Variants in RTL1 observed in about 807,000 individuals in gnomAD.
RTL1 encodes retrotransposon Gag like 1.
For missense variants in RTL1, 1,681 were observed against 1,767.5 expected (o/e 0.95, Z 0.88); for synonymous variants, 727 against 748.4 (o/e 0.97, Z 0.47).
At chr14:100,896,861 G>A (rs2038863905) in intron 2 of RTL1, among the ~76,000 whole-genome samples, 1 of 152,194 alleles carries the variant, frequency 6.6e-6, no homozygotes, top group Admixed American at 6.5e-5. Flanking sequence ...CCGCCGGGCC[G>A]CAGCTCTCTA....
chr14:100,897,782 G>GGGGGGGGA (rs2038887536), intron 2 of RTL1: 4 of 168,950 alleles, frequency 2.4e-5, no homozygotes, highest in African/African-American at 9.3e-5. Context: ...GGGGGGCGGG[G>GGGGGGGGA]GGGGGCAGTG....
In RTL1 at chr14:100,883,965, G is replaced by A; in HGVS notation, c.824C>T (p.Ser275Phe). 2 of 1,551,642 alleles carry A rather than the reference G, an allele frequency of 1.3e-6. No individual in the cohort carries two copies. The highest frequency in any genetic ancestry group is 1.7e-6 in the Non-Finnish European group (2 of 1,146,990). The change falls in exon 4 of 4, where the codon TCC (serine) becomes TTC (phenylalanine). Residue 275 changes from serine (S) to phenylalanine (F), a missense_variant. Coordinates refer to ENST00000649591, the MANE Select transcript of RTL1 (RefSeq NM_001134888.3). The surrounding 1 kb of genome is among the most constrained non-coding windows in gnomAD (Gnocchi z 5.9). ...TGCCTGGCGGTACTCAAACACTTCG[G>A]ACATGGCCTCCAGGAAGGCTGGGAA... ...GDFPAFLEAM[S>F]EVFEYRQALR...
At position 100,883,473 on chromosome 14, in the gene RTL1, T is replaced by C. The variant is rs1566754027; in HGVS notation, c.1316A>G (p.Asp439Gly). The part of the protein sequence containing the change: ...VDSGADGNFM[D>G]EKFAQEHYVE... ...GTAGTGCTCTTGGGCGAACTTCTCA[T>C]CCATGAAGTTGCCGTCAGCTCCCGA... is the stretch of plus-strand genomic sequence containing the variant. Residue 439 changes from aspartate (D) to glycine (G), a missense_variant, in exon 4 of 4, where the codon GAT (aspartate) becomes GGT (glycine). By Grantham distance (94) the Asp-to-Gly change is moderately conservative. Coordinates refer to ENST00000649591, the MANE Select transcript of RTL1 (RefSeq NM_001134888.3). This position sits in a 1 kb window ranked among gnomAD's most constrained non-coding sequence, Gnocchi z 5.9. The C allele has an allele frequency of 1.9e-6, 3 of 1,551,292 alleles. No individual in the cohort carries two copies. The highest frequency in any genetic ancestry group is 1.7e-6 in the Non-Finnish European group (2 of 1,146,942).
At position 100,884,642 on chromosome 14, in the gene RTL1, G is replaced by C. The variant is rs781035556; in HGVS notation, c.147C>G (p.Ser49Arg). Residue 49 changes from serine (S) to arginine (R), a missense_variant, in exon 4 of 4, where the codon AGC (serine) becomes AGG (arginine). Physicochemically the swap from Ser to Arg is moderately radical, Grantham distance 110. Transcript: ENST00000649591. ...GCTCCTTCTTTTCCTGGGCTGGGCCGCTGGCTGGCCCTGCCTCTCCCCGCA... is the reference window on the plus strand; with the variant it reads ...GCTCCTTCTTTTCCTGGGCTGGGCCCCTGGCTGGCCCTGCCTCTCCCCGCA... ...SGVRGEAGPA[S>R]GPAQEKKEPP... 1.2e-6 allele frequency: 2 copies of C among 1,613,282 alleles called. No homozygotes were observed. Among genetic ancestry groups the C allele is most frequent in the Non-Finnish European group, 8.5e-7 (1 of 1,179,842 alleles).
chr14:100,892,919 A>G (rs1258740355), intron 3 of RTL1, among the ~76,000 whole-genome samples: 1 of 152,078 alleles, frequency 6.6e-6, no homozygotes, highest in Non-Finnish European at 1.5e-5. Context: ...ACAGAGTTAA[A>G]CTGGGATTCG....
intron 3 of RTL1, among the ~76,000 whole-genome samples, chr14:100,891,501 G>C (rs1425571305): frequency 2.6e-5 from 4 of 152,202 alleles, no homozygotes; most frequent in African/African-American, 7.2e-5. Context: ...CCCTCACCTT[G>C]CTAAGCCACT....
chr14:100,895,576 G>C (rs2038844495), intron 2 of RTL1, among the ~76,000 whole-genome samples: 1 of 152,134 alleles, frequency 6.6e-6, no homozygotes, highest in African/African-American at 2.4e-5. Flanking sequence ...GAAGGTGTGG[G>C]GAGCAGGGTC....
intron 3 of RTL1, among the ~76,000 whole-genome samples, chr14:100,887,582 T>C (rs2038711069): frequency 6.6e-6 from 1 of 152,144 alleles, no homozygotes; most frequent in African/African-American, 2.4e-5. Flanking sequence ...GGTGAAATCC[T>C]GTTTCTACTA....
Position 100,881,148 on chromosome 14 carries a change from A to T in RTL1, c.3641T>A (p.Leu1214Gln). Residue 1214 changes from leucine to glutamine, a missense_variant, in exon 4 of 4, where the codon CTG becomes CAG. Coordinates refer to ENST00000649591, the MANE Select transcript of RTL1 (RefSeq NM_001134888.3). The surrounding 1 kb of genome is among the most constrained non-coding windows in gnomAD (Gnocchi z 6.6). ...CAGCTCCAGGTAGCGGTTCTGACGCAGGGCAGGGAGGTGGCCCTCCTGGGG... is the reference window on the plus strand; with the variant it reads ...CAGCTCCAGGTAGCGGTTCTGACGCTGGGCAGGGAGGTGGCCCTCCTGGGG... ...VTPQEGHLPALRQNRYLELHV... is the reference protein window; with the variant it reads ...VTPQEGHLPAQRQNRYLELHV... 2 of 1,548,662 alleles carry T rather than the reference A, an allele frequency of 1.3e-6. No homozygotes were observed.
At chr14:100,891,613 C>T (rs1256567485) in intron 3 of RTL1, among the ~76,000 whole-genome samples, 1 of 152,220 alleles carries the variant, frequency 6.6e-6, no homozygotes, top group East Asian at 1.9e-4. Flanking sequence ...TATCACTCTG[C>T]CCAGAATAAC....
rs756553297 is a variant in RTL1 at position 100,882,097 on chromosome 14, C to T, written c.2692G>A (p.Gly898Ser). 3.2e-6 allele frequency: 5 copies of T among 1,574,320 alleles called. No individual in the cohort carries two copies. The highest frequency in any genetic ancestry group is 1.4e-5 in the African/African-American group (1 of 73,918). Residue 898 changes from glycine (G) to serine (S), a missense_variant, in exon 4 of 4, where the codon GGC becomes AGC. Physicochemically the swap from Gly to Ser is moderately conservative, Grantham distance 56. Coordinates refer to ENST00000649591, the MANE Select transcript of RTL1 (RefSeq NM_001134888.3). Reference sequence around the variant, plus strand: ...TAGAAAGCGCAGCAGGCTCTCTTGCCGGTTTGGTCGTCGATTTGGATCAGG... The same window carrying T: ...TAGAAAGCGCAGCAGGCTCTCTTGCTGGTTTGGTCGTCGATTTGGATCAGG... Reference protein sequence around the residue: ...ASLIQIDDQTGKRACCAFYSR... With the variant: ...ASLIQIDDQTSKRACCAFYSR...
chr14:100,887,655 C>A (rs1248813509), intron 3 of RTL1, among the ~76,000 whole-genome samples: 1 of 144,742 alleles, frequency 6.9e-6, no homozygotes, highest in East Asian at 2.1e-4. Flanking sequence ...TTCTCCTAGG[C>A]TGAGGCGGGA....
chr14:100,903,129 C>T (rs574113938), intron 2 of RTL1, among the ~76,000 whole-genome samples, 162 bp downstream of exon 2: 1 of 152,282 alleles, frequency 6.6e-6, no homozygotes, highest in East Asian at 1.9e-4. Flanking sequence ...AGGGGTAAAG[C>T]ATGAAGGCAT....
chr14:100,898,543 G>A (rs372941028), intron 2 of RTL1, among the ~76,000 whole-genome samples: 1 of 152,182 alleles, frequency 6.6e-6, no homozygotes, highest in Admixed American at 6.5e-5. Flanking sequence ...CTTCCGGGAC[G>A]GGGTCCAAAA....
rs1434423309 is a variant in RTL1, at chr14:100,880,754, T to C, written c.4035A>G (p.Leu1345=). ...CTTCGTCCTCATCAGGCAGCTCTTC[T>C]AGCCTTGCCTGCTCCCTGGGCTGGC... ...WESQPREQAR[L]EELPDEDEDA... is the part of the protein sequence containing the mutation. Residue 1345 remains leucine, a synonymous_variant, in exon 4 of 4, where the codon CTA becomes CTG. Transcript: ENST00000649591. 6.4e-7 allele frequency: 1 copy of C among 1,550,852 alleles called. No individual in the cohort carries two copies.
Position 100,883,863 on chromosome 14 carries a change from T to C in RTL1, c.926A>G (p.Gln309Arg). The C allele has an allele frequency of 6.4e-7, 1 of 1,551,638 alleles. No homozygotes were observed. The highest frequency in any genetic ancestry group is 2.4e-5 in the East Asian group (1 of 40,912). The change falls in exon 4 of 4, where the codon CAG becomes CGG. Residue 309 changes from glutamine to arginine, a missense_variant. Coordinates refer to ENST00000649591, the MANE Select transcript of RTL1 (RefSeq NM_001134888.3). This position sits in a 1 kb window ranked among gnomAD's most constrained non-coding sequence, Gnocchi z 5.9. ...RSATEYIDEFQSLVPILGWPD... is the reference protein window; with the variant it reads ...RSATEYIDEFRSLVPILGWPD... ...CCAGCCCAAGATGGGTACCAGGCTC[T>C]GGAACTCATCGATGTACTCAGTGGC... is the stretch of plus-strand genomic sequence containing the variant.
chr14:100,888,084 C>A (rs937263591), intron 3 of RTL1, among the ~76,000 whole-genome samples: 1 of 152,162 alleles, frequency 6.6e-6, no homozygotes, highest in Non-Finnish European at 1.5e-5. Context: ...CAATTTACTT[C>A]TTAAAACGCT....
At position 100,882,754 on chromosome 14, in the gene RTL1, C is replaced by T; in HGVS notation, c.2035G>A (p.Gly679Arg). ...TTCCACACATCTTCGGTGCGGTGCC[C>T]GTTCACGCTTTCCTCCACAATGGTC... ...RGTIVEESVN[G>R]HRTEDVWKAA... The change falls in exon 4 of 4, where the codon GGG becomes AGG. Residue 679 changes from glycine to arginine, a missense_variant. Physicochemically the swap from Gly to Arg is moderately radical, Grantham distance 125. Transcript: ENST00000649591. The T allele has an allele frequency of 6.4e-7, 1 of 1,551,900 alleles. No homozygotes were observed. The highest frequency in any genetic ancestry group is 8.7e-7 in the Non-Finnish European group (1 of 1,147,054).
intron 3 of RTL1, among the ~76,000 whole-genome samples, chr14:100,892,146 G>A (rs1253820301): frequency 6.6e-6 from 1 of 152,206 alleles, no homozygotes; most frequent in East Asian, 1.9e-4. Flanking sequence ...TGGGAGGGGT[G>A]TAAGAGTGGA....
Sources: gnomAD v4.1 joint callset for allele counts (sites outside exome capture counted in the v4.1 genomes callset) on GRCh38, gnomAD v4.1.1 for gene constraint, Gnocchi (gnomAD v3.1) non-coding constraint, MANE v1.5 for transcripts, NCBI Gene and HGNC (gene_info 2026-07-23, HGNC 2026-07-21) for gene names.